SUCO: variants seen among roughly 807,000 people sequenced by gnomAD.
SUCO encodes the protein SUN domain-containing ossification factor.
A neutral mutation model predicts 148.1 loss-of-function variants in SUCO; 57 were observed. That is an observed-to-expected ratio of 0.38 (90% confidence interval 0.31 to 0.48). SUCO has a LOEUF of 0.48. Among genes scored for constraint, SUCO ranks in the 20% least tolerant of loss-of-function variants. The pLI is 0.96. For synonymous variants in SUCO, 470 were observed against 502.7 expected, an observed-to-expected ratio of 0.93 and a Z score of 0.87; for missense variants, 1,331 against 1,468.2, an observed-to-expected ratio of 0.91 and a Z score of 1.53.
At position 172,578,222 on chromosome 1, in the gene SUCO, T is replaced by G; in HGVS notation, c.1341-76T>G. On this transcript the variant is annotated intron_variant, in intron 13 of 23. Coordinates refer to ENST00000263688, the MANE Select transcript of SUCO (RefSeq NM_014283.5). Reference sequence around the variant, plus strand: ...CTCAAAATATGACCAAAGTTGATGTTTGTCATTTATTGTGAAGAGATTAGT... The same window carrying G: ...CTCAAAATATGACCAAAGTTGATGTGTGTCATTTATTGTGAAGAGATTAGT... 10 of 1,125,058 alleles carry G rather than the reference T, an allele frequency of 8.9e-6. No individual in the cohort carries two copies. In the South Asian group the frequency reaches 1.3e-4, roughly 15 times the overall value. 69.7% of individuals were successfully genotyped at this position (1,125,058 alleles called of 1,614,324 possible).
At chr1:172,571,233 A>AT (rs930986559) in intron 9 of SUCO, among the ~76,000 whole-genome samples, 26 of 152,118 alleles carry the variant, frequency 1.7e-4, no homozygotes, top group Non-Finnish European at 2.4e-4. Context: ...TGGTTTTCGT[A>AT]TTTTTTTGGT....
Position 172,609,882 on chromosome 1 carries a change from A to G in SUCO, c.3388A>G (p.Ile1130Val). 2 of 1,613,790 alleles carry G rather than the reference A, an allele frequency of 1.2e-6. No homozygotes were observed. The highest frequency in any genetic ancestry group is 1.7e-6 in the Non-Finnish European group (2 of 1,179,774). ...TIKPEEPLHPIANGDIKGRKP... is the reference protein window; with the variant it reads ...TIKPEEPLHPVANGDIKGRKP... Reference sequence around the variant, plus strand: ...AAAGCCTGAAGAACCATTGCACCCCATAGCCAATGGCGACATAAAAGGAAG... The same window carrying G: ...AAAGCCTGAAGAACCATTGCACCCCGTAGCCAATGGCGACATAAAAGGAAG... Residue 1130 changes from isoleucine to valine, a missense_variant, in exon 24 of 24, where the codon ATA (isoleucine) becomes GTA (valine). By Grantham distance (29) the Ile-to-Val change is conservative. Around this residue, in one of 3 missense-constraint regions of SUCO, gnomAD observed 334 missense variants for 352.3 expected, o/e 0.95. Transcript: ENST00000263688.
At chr1:172,588,244 C>T (rs1656375773) in intron 17 of SUCO, 1 of 985,198 alleles carries the variant, frequency 1.0e-6, no homozygotes. Flanking sequence ...TGTTTGAGAC[C>T]AACCTAGCTG....
intron 7 of SUCO, chr1:172,569,392 A>T: frequency 2.0e-6 from 2 of 980,544 alleles, no homozygotes; most frequent in Non-Finnish European, 1.2e-6. Flanking sequence ...CATAGCAGTG[A>T]TTTTCATCAC....
At position 172,611,520 on chromosome 1, in the gene SUCO, T is replaced by A. The variant is rs1045372568; in HGVS notation, c.*1261T>A. The A allele has an allele frequency of 2.6e-4, 39 of 152,676 alleles. No individual in the cohort carries two copies. Among genetic ancestry groups the A allele is most frequent in the African/African-American group, 8.9e-4 (37 of 41,476 alleles). 9.5% of individuals were successfully genotyped at this position (152,676 alleles called of 1,614,324 possible). On this transcript the variant is annotated 3_prime_UTR_variant, in exon 24 of 24. Transcript: ENST00000263688. ...GATAACTGTTTTTAAACTTGCCTAA[T>A]ACCTTTCTTGGGTATTGTTTGTAAT...
In SUCO at chr1:172,590,043, G is replaced by A. The variant is rs549227625; in HGVS notation, c.2825+117G>A. The A allele has an allele frequency of 6.6e-5, 50 of 755,400 alleles. No homozygotes were observed. In the South Asian group the frequency reaches 1.3e-3, roughly 19 times the overall value. The allele number at this position is 755,400 out of a possible 1,614,324, so 46.8% of individuals were successfully genotyped here. ...ATCTCATGATATAATAGAGGTAAGC[G>A]CAATTTTAGCAAGAGAGAGAAAGAA... On this transcript the variant is annotated intron_variant, in intron 18 of 23. Transcript: ENST00000263688.
chr1:172,592,634 A>G (rs1396105670), intron 19 of SUCO, among the ~76,000 whole-genome samples: 2 of 152,102 alleles, frequency 1.3e-5, no homozygotes, highest in South Asian at 2.1e-4. Context: ...CCATTGGTCT[A>G]TATCTCTGTT....
In SUCO at chr1:172,597,609, T is replaced by TC. The variant is rs376818085; in HGVS notation, c.2914-2450dup. Among the ~76,000 whole-genome samples the TC allele has an allele frequency of 4.3e-3, 656 of 152,232 alleles. 4 individuals are homozygous for TC. The highest frequency in any genetic ancestry group is 0.015 in the African/African-American group (619 of 41,480). On this transcript the variant is annotated intron_variant, in intron 19 of 23. Coordinates refer to ENST00000263688, the MANE Select transcript of SUCO (RefSeq NM_014283.5). ...CTTTTTGATCGTCATACCTTTTTTT[T>TC]CCCCCTATCTCTTGGCTAGAGCCAT...
At chr1:172,584,997 T>C in intron 15 of SUCO, 21 bp from the exon 16 acceptor site, 1 of 1,527,694 alleles carries the variant, frequency 6.5e-7, no homozygotes, top group Non-Finnish European at 9.0e-7. Context: ...TGGTACTTTT[T>C]CTGATTGAAT....
intron 22 of SUCO, 134 bp from the exon 23 acceptor site, chr1:172,608,613 A>T (rs1658005102): frequency 1.4e-6 from 1 of 729,338 alleles, no homozygotes; most frequent in Non-Finnish European, 2.4e-6. Flanking sequence ...AGTTAACCTG[A>T]TACAAATTCA....
At chr1:172,593,235 C>G (rs1656808165) in intron 19 of SUCO, among the ~76,000 whole-genome samples, 1 of 152,230 alleles carries the variant, frequency 6.6e-6, no homozygotes, top group Non-Finnish European at 1.5e-5. Context: ...GACAATTTGA[C>G]TTCCTCTTTT....
At position 172,556,075 on chromosome 1, in the gene SUCO, A is replaced by G. The variant is rs568823418; in HGVS notation, c.443+52A>G. On this transcript the variant is annotated intron_variant, in intron 4 of 23. Transcript: ENST00000263688. ...AAAAAGAATCTCCTTAGTTAGTGAT[A>G]GAAAAATTTCCTTAAAAGATAAAGC... The G allele has an allele frequency of 1.4e-5, 21 of 1,465,680 alleles. No homozygotes were observed. In the Admixed American group the frequency reaches 2.9e-4, roughly 20 times the overall value. The allele number at this position is 1,465,680 out of a possible 1,614,324, so 90.8% of individuals were successfully genotyped here.
intron 19 of SUCO, chr1:172,599,408 C>G: frequency 1.6e-5 from 13 of 810,982 alleles, no homozygotes; most frequent in Non-Finnish European, 1.9e-5. Flanking sequence ...GTAGAATTCC[C>G]TAAAGTATGC....
intron 1 of SUCO, among the ~76,000 whole-genome samples, chr1:172,534,855 C>G (rs1434150235): frequency 6.6e-6 from 1 of 152,112 alleles, no homozygotes; most frequent in Non-Finnish European, 1.5e-5. Context: ...CTTGGTCTTG[C>G]CCATCTTTAA....
intron 1 of SUCO, among the ~76,000 whole-genome samples, chr1:172,547,132 A>G (rs972367060): frequency 6.6e-6 from 1 of 152,230 alleles, no homozygotes; most frequent in African/African-American, 2.4e-5. Flanking sequence ...AACATCATCT[A>G]AATGGAGTTA....
intron 17 of SUCO, among the ~76,000 whole-genome samples, chr1:172,587,842 C>G (rs985603338): frequency 7.2e-5 from 11 of 151,884 alleles, no homozygotes; most frequent in African/African-American, 2.7e-4. Flanking sequence ...TCATATTGGA[C>G]TTTTTATGTA....
At chr1:172,590,073 A>G (rs538004055) in intron 18 of SUCO, 147 bp downstream of exon 18, 10 of 625,552 alleles carry the variant, frequency 1.6e-5, no homozygotes, top group Non-Finnish European at 2.4e-5. Context: ...AAAGAAAGCT[A>G]CTTGAATGCT....
intron 1 of SUCO, among the ~76,000 whole-genome samples, chr1:172,540,507 T>G (rs1338208850): frequency 6.6e-6 from 1 of 152,240 alleles, no homozygotes; most frequent in Admixed American, 6.5e-5. Flanking sequence ...CTCAGTTTAT[T>G]TTTTATATGT....
At chr1:172,547,169 T>A (rs1226554427) in intron 1 of SUCO, among the ~76,000 whole-genome samples, 1 of 152,240 alleles carries the variant, frequency 6.6e-6, no homozygotes, top group East Asian at 1.9e-4. Context: ...GTGTTTGACT[T>A]CTTTTACTCA....
Sources: gnomAD v4.1 joint callset for allele counts (sites outside exome capture counted in the v4.1 genomes callset) on GRCh38, gnomAD v4.1.1 for gene constraint, gnomAD v4.1.1 regional missense constraint, MANE v1.5 for transcripts, NCBI Gene and HGNC (gene_info 2026-07-23, HGNC 2026-07-21) for gene names.